Variants in GNAL observed in about 807,000 individuals in gnomAD.
The protein encoded by GNAL is guanine nucleotide-binding protein G(olf) subunit alpha.
A neutral mutation model predicts 55.1 loss-of-function variants in GNAL; 18 were observed. That is an observed-to-expected ratio of 0.33 (90% CI 0.23 to 0.48). GNAL has a LOEUF of 0.48. Ranked by LOEUF, GNAL falls within the 20% of genes least tolerant of loss-of-function variation. GNAL has a pLI of 0.99. For synonymous variants in GNAL, 253 were observed against 237.0 expected (o/e 1.07, Z -0.62); for missense variants, 412 against 614.1 (o/e 0.67, Z 3.48).
At chr18:11,852,280 C>T (rs758377044) in intron 5 of GNAL, 2 of 788,854 alleles carry the variant, frequency 2.5e-6, no homozygotes, top group Non-Finnish European at 4.0e-6. Context: ...TTCAGTATTT[C>T]TGCACTCTTA....
intron 4 of GNAL, among the ~76,000 whole-genome samples, chr18:11,758,587 C>A (rs951394311): frequency 2.0e-5 from 3 of 152,156 alleles, no homozygotes; most frequent in Admixed American, 6.5e-5. Context: ...ATTTTAATTT[C>A]AAATGAAATA....
At position 11,714,783 on chromosome 18, in the gene GNAL, T is replaced by C. The variant is rs567836611; in HGVS notation, c.376+24844T>C. On this transcript the variant is annotated intron_variant, in intron 1 of 11. Coordinates refer to ENST00000334049, the MANE Select transcript of GNAL (RefSeq NM_182978.4). ...CAAAAGGAAGGCAGTTTTTGTATGATTCAGTTCCCAAGTGTAACTTTCCCT... is the reference window on the plus strand; with the variant it reads ...CAAAAGGAAGGCAGTTTTTGTATGACTCAGTTCCCAAGTGTAACTTTCCCT... 2.0e-5 allele frequency among the ~76,000 whole-genome samples: 3 copies of C among 152,326 alleles called. No homozygotes were observed. The South Asian group carries it at 6.2e-4, about 32-fold the overall frequency.
chr18:11,809,118 T>G (rs1390485661), intron 4 of GNAL, among the ~76,000 whole-genome samples: 4 of 151,496 alleles, frequency 2.6e-5, no homozygotes, highest in Admixed American at 6.6e-5. Context: ...ATTAGCTAGG[T>G]GTTGTGGCAT....
intron 1 of GNAL, among the ~76,000 whole-genome samples, chr18:11,698,082 A>G (rs1014327304): frequency 6.6e-6 from 1 of 152,150 alleles, no homozygotes; most frequent in African/African-American, 2.4e-5. Flanking sequence ...CCAGCCTTTC[A>G]AAAAGGGCTG....
At chr18:11,762,928 C>A (rs143730124) in intron 4 of GNAL, among the ~76,000 whole-genome samples, 1,629 of 152,264 alleles carry the variant, frequency 0.011, 21 homozygotes, top group African/African-American at 0.025. Flanking sequence ...AGGAGGGAAA[C>A]CCCCACTGAG....
At chr18:11,702,675 G>A (rs571785933) in intron 1 of GNAL, among the ~76,000 whole-genome samples, 1 of 152,216 alleles carries the variant, frequency 6.6e-6, no homozygotes, top group South Asian at 2.1e-4. Flanking sequence ...CCCTGTGCGG[G>A]AGACAAAGGT....
At chr18:11,724,284 C>T (rs960009905) in intron 1 of GNAL, among the ~76,000 whole-genome samples, 4 of 152,186 alleles carry the variant, frequency 2.6e-5, no homozygotes, top group African/African-American at 9.7e-5. Flanking sequence ...TTCAGGCTGG[C>T]TTCTTTCACT....
At chr18:11,789,309 T>C (rs1212362169) in intron 4 of GNAL, among the ~76,000 whole-genome samples, 1 of 152,118 alleles carries the variant, frequency 6.6e-6, no homozygotes, top group East Asian at 1.9e-4. Context: ...GATACTCAGG[T>C]ATTTAAATCT....
intron 5 of GNAL, among the ~76,000 whole-genome samples, chr18:11,855,875 G>A (rs1255990830): frequency 6.6e-6 from 1 of 151,514 alleles, no homozygotes; most frequent in Non-Finnish European, 1.5e-5. Flanking sequence ...GGGAGGCTGA[G>A]GCAGGAGAAT....
intron 4 of GNAL, among the ~76,000 whole-genome samples, chr18:11,786,749 C>T (rs1017287630): frequency 1.3e-5 from 2 of 150,888 alleles, no homozygotes; most frequent in Non-Finnish European, 3.0e-5. Flanking sequence ...CCGTGCCCGG[C>T]GATCTTCACA....
At chr18:11,694,206 T>C (rs2031341509) in intron 1 of GNAL, among the ~76,000 whole-genome samples, 1 of 152,126 alleles carries the variant, frequency 6.6e-6, no homozygotes, top group Admixed American at 6.5e-5. Flanking sequence ...TCTCCCATCA[T>C]GATGAGTCCT....
chr18:11,852,414 T>A, intron 5 of GNAL: 1 of 344,504 alleles, frequency 2.9e-6, no homozygotes, highest in Non-Finnish European at 5.6e-6. Context: ...GTATTCAGTT[T>A]CCTGCCCAGA....
Position 11,883,845 on chromosome 18 carries a change from C to T in GNAL, c.*2710C>T, listed in dbSNP as rs1419006603. On this transcript the variant is annotated 3_prime_UTR_variant, in exon 12 of 12. Coordinates refer to ENST00000334049, the MANE Select transcript of GNAL (RefSeq NM_182978.4). ...AGCTGGTATTATAGGCACTTGCTACCATGCTTGGCTAATTTTTGTATTTCT... is the reference window on the plus strand; with the variant it reads ...AGCTGGTATTATAGGCACTTGCTACTATGCTTGGCTAATTTTTGTATTTCT... 2.0e-5 allele frequency: 3 copies of T among 152,260 alleles called. No homozygotes were observed. The highest frequency in any genetic ancestry group is 7.2e-5 in the African/African-American group (3 of 41,408). 9.4% of individuals were successfully genotyped at this position (152,260 alleles called of 1,614,324 possible).
chr18:11,831,132 T>C (rs983078937), intron 5 of GNAL, among the ~76,000 whole-genome samples: 17 of 152,138 alleles, frequency 1.1e-4, no homozygotes, highest in Non-Finnish European at 2.9e-5. Flanking sequence ...TTTTGTCTTA[T>C]TTGAAATTAT....
At chr18:11,842,533 G>T (rs2035641088) in intron 5 of GNAL, among the ~76,000 whole-genome samples, 1 of 151,940 alleles carries the variant, frequency 6.6e-6, no homozygotes, top group Non-Finnish European at 1.5e-5. Context: ...CAACTAGATG[G>T]TCCCATCTGG....
intron 4 of GNAL, among the ~76,000 whole-genome samples, chr18:11,805,039 AGTG>A (rs148366067): frequency 2.2e-5 from 3 of 138,492 alleles, no homozygotes; most frequent in Admixed American, 7.6e-5. Flanking sequence ...GATACTGTGT[AGTG>A]GTGAAGTACA....
At chr18:11,750,770 G>T (rs79585937) in intron 1 of GNAL, among the ~76,000 whole-genome samples, 2 of 152,132 alleles carry the variant, frequency 1.3e-5, no homozygotes, top group African/African-American at 4.8e-5. Flanking sequence ...TCTTGGCTGC[G>T]GTGGGCAGGA....
intron 5 of GNAL, among the ~76,000 whole-genome samples, chr18:11,842,127 C>A (rs1401648459): frequency 6.6e-6 from 1 of 151,978 alleles, no homozygotes; most frequent in Non-Finnish European, 1.5e-5. Context: ...CATGTGCTAT[C>A]ATGCCCAGTT....
At chr18:11,840,913 C>T (rs1361112392) in intron 5 of GNAL, among the ~76,000 whole-genome samples, 35 of 143,704 alleles carry the variant, frequency 2.4e-4, no homozygotes, top group Middle Eastern at 3.8e-3. Flanking sequence ...CTCACTCTGT[C>T]GCCCAGACTG....
Sources: gnomAD v4.1 joint callset for allele counts (sites outside exome capture counted in the v4.1 genomes callset) on GRCh38, gnomAD v4.1.1 for gene constraint, MANE v1.5 for transcripts, NCBI Gene and HGNC (gene_info 2026-07-23, HGNC 2026-07-21) for gene names.